The following FLRT1 variants were observed in gnomAD, a reference collection of about 807,000 sequenced individuals.
The protein encoded by FLRT1 is leucine-rich repeat transmembrane protein FLRT1.
FLRT1 carries 14 observed loss-of-function variants against 30.9 expected under a neutral mutation model. The ratio of observed to expected loss-of-function variants is 0.45; its 90% CI spans 0.30 to 0.71. The LOEUF (loss-of-function observed/expected upper bound fraction) is 0.71. FLRT1 is among the 30% of genes least tolerant of loss of function. The pLI, the probability that FLRT1 is intolerant of heterozygous loss-of-function variation, is 0.08. For synonymous variants in FLRT1, 368 were observed against 430.4 expected, an observed-to-expected ratio of 0.85 and a Z score of 1.80; for missense variants, 737 against 949.2, an observed-to-expected ratio of 0.78 and a Z score of 2.94.
intron 1 of FLRT1, among the ~76,000 whole-genome samples, chr11:64,051,071 C>A (rs1017632035): frequency 6.6e-6 from 1 of 152,226 alleles, no homozygotes; most frequent in African/African-American, 2.4e-5. Context: ...TGTGCCCCAC[C>A]GATCTGGAGG....
At chr11:64,072,140 TG>T (rs1174384619) in intron 1 of FLRT1, among the ~76,000 whole-genome samples, 2 of 150,368 alleles carry the variant, frequency 1.3e-5, no homozygotes, top group African/African-American at 2.5e-5. Flanking sequence ...CAGCCAGGGG[TG>T]GGAGTGAGTG....
chr11:64,041,628 C>T (rs1243890146), intron 1 of FLRT1, among the ~76,000 whole-genome samples: 1 of 152,048 alleles, frequency 6.6e-6, no homozygotes, highest in Admixed American at 6.6e-5. Flanking sequence ...ACCGAATGAC[C>T]GCCTCGGGAG....
rs11820414 is a variant in FLRT1, at chr11:64,038,087, G to A, written c.-1038+1928G>A. On this transcript the variant is annotated intron_variant, in intron 1 of 2. Coordinates refer to ENST00000682287, the MANE Select transcript of FLRT1 (RefSeq NM_013280.5). ...CCTCACGCTGGCCCTCAGTGGCAGC[G>A]CCCTGTGTCCCCTCCTCCCCATCTC... Among the ~76,000 whole-genome samples, 1,386 of 152,224 alleles carry A rather than the reference G, an allele frequency of 9.1e-3. 26 individuals are homozygous for A. Among genetic ancestry groups the A allele is most frequent in the African/African-American group, 0.032 (1,319 of 41,522 alleles).
intron 1 of FLRT1, among the ~76,000 whole-genome samples, chr11:64,046,204 C>T (rs1590833686): frequency 2.0e-5 from 3 of 152,106 alleles, no homozygotes; most frequent in East Asian, 3.9e-4. Context: ...CCAGAGCAGC[C>T]GACTCCCACT....
At chr11:64,079,562 C>T (rs778733503) in intron 1 of FLRT1, among the ~76,000 whole-genome samples, 3 of 152,122 alleles carry the variant, frequency 2.0e-5, no homozygotes, top group Non-Finnish European at 4.4e-5. Context: ...GCAGCCGCCA[C>T]GGGCACAGAG....
At chr11:64,088,762 C>T (rs1944439259) in intron 1 of FLRT1, among the ~76,000 whole-genome samples, 1 of 152,152 alleles carries the variant, frequency 6.6e-6, no homozygotes, top group African/African-American at 2.4e-5. Context: ...AGATGAACGA[C>T]AGCAGACAGT....
Position 64,041,199 on chromosome 11 carries a change from T to TAAAAAAAAAA in FLRT1, c.-1038+5061_-1038+5070dup, listed in dbSNP as rs71045724. On this transcript the variant is annotated intron_variant, in intron 1 of 2. Transcript: ENST00000682287. Reference sequence around the variant, plus strand: ...AGATTACAACAGATTTAGCAAACTGTAAAAAAAAAAAAAAAAAAAAAAAAA... The same window carrying TAAAAAAAAAA: ...AGATTACAACAGATTTAGCAAACTGTAAAAAAAAAAAAAAAAAAAAAAAAAAAAAAAAAAA... Among the ~76,000 whole-genome samples the TAAAAAAAAAA allele has an allele frequency of 1.2e-3, 26 of 21,606 alleles. 3 individuals carry two copies. The highest frequency in any genetic ancestry group is 2.4e-3 in the African/African-American group (15 of 6,210). The allele number at this position is 21,606 out of a possible 152,430, so 14.2% of individuals were successfully genotyped here.
At position 64,118,288 on chromosome 11, in the gene FLRT1, CATGATG is replaced by C; in HGVS notation, c.2022_*2del. 6.4e-7 allele frequency: 1 copy of C among 1,560,678 alleles called. No individual in the cohort carries two copies. On this transcript the variant is annotated stop_lost and 3_prime_UTR_variant, in exon 3 of 3. Coordinates refer to ENST00000682287, the MANE Select transcript of FLRT1 (RefSeq NM_013280.5). ...ATCCCCGACATAGACTACTCCTACA[CATGATG>C]CCCGCCCACCCGGGCTGCCCCGCCT...
chr11:64,056,582 C>T (rs1333512650), intron 1 of FLRT1, among the ~76,000 whole-genome samples: 1 of 152,220 alleles, frequency 6.6e-6, no homozygotes, highest in East Asian at 1.9e-4. Flanking sequence ...AAGGCTGCGG[C>T]CAGGGTGGCC....
chr11:64,107,823 T>C (rs1021524557), intron 2 of FLRT1, among the ~76,000 whole-genome samples: 1 of 152,152 alleles, frequency 6.6e-6, no homozygotes, highest in Non-Finnish European at 1.5e-5. Flanking sequence ...CTGCAGTCCC[T>C]GGGGCATCTG....
intron 1 of FLRT1, among the ~76,000 whole-genome samples, chr11:64,037,907 G>A (rs1943413179): frequency 6.6e-6 from 1 of 152,192 alleles, no homozygotes; most frequent in African/African-American, 2.4e-5. Context: ...GCCTGAGCCA[G>A]GGTGCTGCTT....
chr11:64,038,491 G>A (rs1476887220), intron 1 of FLRT1, among the ~76,000 whole-genome samples: 2 of 152,178 alleles, frequency 1.3e-5, no homozygotes, highest in Non-Finnish European at 2.9e-5. Context: ...GTTGAGGGAC[G>A]GAGAGGTGGG....
intron 1 of FLRT1, among the ~76,000 whole-genome samples, chr11:64,059,318 A>G (rs1943851871): frequency 6.6e-6 from 1 of 152,158 alleles, no homozygotes; most frequent in Non-Finnish European, 1.5e-5. Context: ...CTGAAGGTGG[A>G]TGCGTGTAGC....
At chr11:64,068,583 G>A (rs554735115) in intron 1 of FLRT1, among the ~76,000 whole-genome samples, 9 of 152,344 alleles carry the variant, frequency 5.9e-5, no homozygotes, top group African/African-American at 1.9e-4. Context: ...CATTTGATTG[G>A]CAGATAAACT....
intron 1 of FLRT1, among the ~76,000 whole-genome samples, chr11:64,076,648 C>G (rs1382964244): frequency 6.6e-6 from 1 of 152,204 alleles, no homozygotes; most frequent in Non-Finnish European, 1.5e-5. Context: ...AGCTGAGGCA[C>G]AGAGAGAGAC....
At chr11:64,072,628 A>G (rs1944131194) in intron 1 of FLRT1, among the ~76,000 whole-genome samples, 1 of 152,210 alleles carries the variant, frequency 6.6e-6, no homozygotes, top group Admixed American at 6.5e-5. Flanking sequence ...GATGGGGATA[A>G]CAAAGCCCCC....
chr11:64,093,686 C>A (rs1220873784), intron 1 of FLRT1, among the ~76,000 whole-genome samples: 1 of 152,248 alleles, frequency 6.6e-6, no homozygotes, highest in Non-Finnish European at 1.5e-5. Flanking sequence ...AGCCCCACCC[C>A]CTCTTGGTCA....
intron 2 of FLRT1, among the ~76,000 whole-genome samples, chr11:64,113,478 ATGGATGGATGGATGGATGGT>A (rs1479070497): frequency 2.7e-5 from 4 of 148,854 alleles, no homozygotes; most frequent in Admixed American, 1.3e-4. Flanking sequence ...TGATGCATAT[ATGGATGGATGGATGGATGGT>A]TGGATGGATG....
At chr11:64,106,457 C>T (rs1944764970) in intron 2 of FLRT1, among the ~76,000 whole-genome samples, 2 of 152,216 alleles carry the variant, frequency 1.3e-5, no homozygotes, top group Non-Finnish European at 2.9e-5. Context: ...CAAGGCAGAC[C>T]ATGTCCTAAC....
Sources: allele counts gnomAD v4.1 joint callset (sites outside exome capture counted in the v4.1 genomes callset), GRCh38; gene constraint gnomAD v4.1.1; transcripts MANE v1.5; gene names NCBI Gene and HGNC (gene_info 2026-07-23, HGNC 2026-07-21).